FRYL: variants seen among roughly 807,000 people sequenced by gnomAD.
FRYL encodes protein furry homolog-like.
Under a neutral mutation model 351.2 loss-of-function variants are expected in FRYL, and 150 were observed. That is an observed-to-expected ratio of 0.43 (90% confidence interval 0.37 to 0.49). The LOEUF is 0.49. Among genes scored for constraint, FRYL ranks in the 20% least tolerant of loss-of-function variants. The probability of loss-of-function intolerance (pLI) is 0.00; values close to 1 mark genes in which losing one functional copy is unlikely to be tolerated. For synonymous variants in FRYL, 1,153 were observed against 1,257.1 expected, an observed-to-expected ratio of 0.92 and a Z score of 1.75; for missense variants, 3,036 against 3,619.3, an observed-to-expected ratio of 0.84 and a Z score of 4.13.
intron 7 of FRYL, chr4:48,617,920 C>T (rs6843340): frequency 0.53 from 80,700 of 152,036 alleles, 22,179 homozygotes; most frequent in African/African-American, 0.68. Context: ...AAACCCTATA[C>T]TGTTTAAGCA....
intron 3 of FRYL, among the ~76,000 whole-genome samples, chr4:48,674,591 G>C (rs1763248102): frequency 6.6e-6 from 1 of 151,714 alleles, no homozygotes; most frequent in African/African-American, 2.4e-5. Context: ...CAAAAAATTA[G>C]CCGGGCGTGG....
At chr4:48,755,893 T>G (rs1379941451) in intron 1 of FRYL, among the ~76,000 whole-genome samples, 2 of 151,936 alleles carry the variant, frequency 1.3e-5, no homozygotes, top group African/African-American at 4.8e-5. Context: ...GTTTATAATT[T>G]GTTTAAATTC....
At position 48,645,124 on chromosome 4, in the gene FRYL, T is replaced by TTATATATATATATATA. The variant is rs36223183; in HGVS notation, c.-80-10650_-80-10635dup. Among the ~76,000 whole-genome samples the TTATATATATATATATA allele has an allele frequency of 4.2e-3, 445 of 105,274 alleles. 17 individuals are homozygous for TTATATATATATATATA. Among genetic ancestry groups the TTATATATATATATATA allele is most frequent in the African/African-American group, 6.5e-3 (209 of 32,388 alleles). 69.1% of individuals were successfully genotyped at this position (105,274 alleles called of 152,430 possible). ...ATTAAACCAGCAGTGAGCTTTCATTTTATATATATATATATATATATATAT... is the reference window on the plus strand; with the variant it reads ...ATTAAACCAGCAGTGAGCTTTCATTTTATATATATATATATATATATATATATATATATATATATAT... On this transcript the variant is annotated intron_variant, in intron 3 of 63. Transcript: ENST00000358350.
rs556627220 is a variant in FRYL, at chr4:48,547,610, A to C, written c.5048T>G (p.Val1683Gly). 3.7e-5 allele frequency: 58 copies of C among 1,577,240 alleles called. No homozygotes were observed. In the East Asian group the frequency reaches 1.1e-3, roughly 29 times the overall value. Reference protein sequence around the residue: ...NEPRVLTVKQVAHLDYNFTAG... With the variant: ...NEPRVLTVKQGAHLDYNFTAG... ...TGTGAAATTATAATCTAAGTGTGCA[A>C]CTTGTTTGACTGTAAGCACCCTGGG... The change falls in exon 41 of 64, where the codon GTT becomes GGT. Residue 1683 changes from valine to glycine, a missense_variant. Coordinates refer to ENST00000358350, the MANE Select transcript of FRYL (RefSeq NM_015030.2).
At chr4:48,577,069 T>G (rs1398982520) in intron 23 of FRYL, among the ~76,000 whole-genome samples, 1 of 152,182 alleles carries the variant, frequency 6.6e-6, no homozygotes, top group African/African-American at 2.4e-5. Flanking sequence ...TAACCAAAGT[T>G]TTGTTGTTTG....
At chr4:48,557,347 ATT>A (rs1560599920) in intron 34 of FRYL, 104 bp downstream of exon 34, 1 of 1,418,146 alleles carries the variant, frequency 7.1e-7, no homozygotes, top group African/African-American at 1.4e-5. Flanking sequence ...AAAGAAAGAT[ATT>A]TGTTTGGTTA....
chr4:48,675,408 G>A (rs967659842), intron 3 of FRYL, among the ~76,000 whole-genome samples: 1 of 152,234 alleles, frequency 6.6e-6, no homozygotes, highest in Non-Finnish European at 1.5e-5. Flanking sequence ...CCGGGTGGGC[G>A]TGGGCTTGCC....
At chr4:48,698,738 C>T (rs1254387652) in intron 2 of FRYL, among the ~76,000 whole-genome samples, 4 of 152,188 alleles carry the variant, frequency 2.6e-5, no homozygotes, top group Non-Finnish European at 5.9e-5. Context: ...CTTAATCCTT[C>T]ACATTCCAGT....
intron 53 of FRYL, among the ~76,000 whole-genome samples, chr4:48,524,781 A>C (rs2148845132): frequency 6.6e-6 from 1 of 152,278 alleles, no homozygotes; most frequent in East Asian, 1.9e-4. Flanking sequence ...ATGAACTTGA[A>C]AGCATTTACA....
intron 3 of FRYL, among the ~76,000 whole-genome samples, chr4:48,657,353 CTT>C (rs371640944): frequency 4.1e-5 from 5 of 122,374 alleles, no homozygotes; most frequent in Admixed American, 9.2e-5. Flanking sequence ...CTTTTCTTTT[CTT>C]TTTTTTTTTT....
chr4:48,533,299 G>A (rs1284836387), intron 49 of FRYL, among the ~76,000 whole-genome samples: 1 of 151,830 alleles, frequency 6.6e-6, no homozygotes, highest in Non-Finnish European at 1.5e-5. Context: ...GAAGAAAAGA[G>A]AAATGTGCTT....
chr4:48,550,087 A>G (rs535868483), intron 38 of FRYL, among the ~76,000 whole-genome samples: 1 of 152,318 alleles, frequency 6.6e-6, no homozygotes, highest in East Asian at 1.9e-4. Context: ...TGACGTGGGT[A>G]AGTCACTTAA....
At chr4:48,773,019 A>T (rs1775675519) in intron 1 of FRYL, among the ~76,000 whole-genome samples, 1 of 152,222 alleles carries the variant, frequency 6.6e-6, no homozygotes, top group Admixed American at 6.5e-5. Context: ...AGTGTCTTAC[A>T]TTTGATCAAA....
intron 1 of FRYL, among the ~76,000 whole-genome samples, chr4:48,743,067 A>T (rs10938542): frequency 0.98 from 145,899 of 148,878 alleles, 71,546 homozygotes; most frequent in East Asian, 1. Flanking sequence ...GATCCATCTG[A>T]CTCAGCCTCC....
chr4:48,764,016 A>G (rs1015474303), intron 1 of FRYL, among the ~76,000 whole-genome samples: 2 of 151,974 alleles, frequency 1.3e-5, no homozygotes, highest in Non-Finnish European at 2.9e-5. Flanking sequence ...TAAAAATATA[A>G]AAATTAAGCC....
At chr4:48,500,849 C>A (rs537654194) in intron 62 of FRYL, among the ~76,000 whole-genome samples, 52 of 152,180 alleles carry the variant, frequency 3.4e-4, no homozygotes, top group African/African-American at 1.2e-3. Context: ...CTTTGGCAGG[C>A]CAAGGCAGTG....
chr4:48,590,062 T>C (rs1422021140), intron 17 of FRYL, among the ~76,000 whole-genome samples, 185 bp from the exon 18 acceptor site: 1 of 152,206 alleles, frequency 6.6e-6, no homozygotes, highest in Non-Finnish European at 1.5e-5. Context: ...GGAGAAATTA[T>C]GTGAAAATTA....
chr4:48,759,697 G>A (rs369428715), intron 1 of FRYL, among the ~76,000 whole-genome samples: 25 of 152,160 alleles, frequency 1.6e-4, no homozygotes, highest in East Asian at 1.4e-3. Context: ...GGATCCTTCC[G>A]CCTCGGCCTC....
intron 59 of FRYL, among the ~76,000 whole-genome samples, 164 bp downstream of exon 59, chr4:48,509,895 T>C (rs778474835): frequency 6.6e-6 from 1 of 152,140 alleles, no homozygotes; most frequent in Non-Finnish European, 1.5e-5. Context: ...AAGCCAAAGG[T>C]AGGAATTTGC....
Sources: gnomAD v4.1 joint callset for allele counts (sites outside exome capture counted in the v4.1 genomes callset) on GRCh38, gnomAD v4.1.1 for gene constraint, MANE v1.5 for transcripts, NCBI Gene and HGNC (gene_info 2026-07-23, HGNC 2026-07-21) for gene names.